TMEM165: variants seen among roughly 807,000 people sequenced by gnomAD.
TMEM165 encodes transmembrane protein 165, also known as putative divalent cation/proton antiporter TMEM165.
Under a neutral mutation model 30.0 loss-of-function variants are expected in TMEM165, and 19 were observed. The ratio of observed to expected loss-of-function variants is 0.63; its 90% confidence interval spans 0.44 to 0.93. TMEM165 has a LOEUF of 0.93. Ranked by LOEUF, TMEM165 falls within the 40% of genes least tolerant of loss-of-function variation. The pLI, the probability that TMEM165 is intolerant of heterozygous loss-of-function variation, is 0.00. For missense variants in TMEM165, 340 were observed against 417.0 expected (o/e 0.82, Z 1.61); for synonymous variants, 168 against 162.9 (o/e 1.03, Z -0.24).
intron 3 of TMEM165, among the ~76,000 whole-genome samples, chr4:55,447,266 C>CTT (rs1281401181): frequency 1.3e-5 from 2 of 152,012 alleles, no homozygotes; most frequent in Admixed American, 1.3e-4. Context: ...ACTCGGGAGA[C>CTT]TGAGGCGGGA....
intron 1 of TMEM165, among the ~76,000 whole-genome samples, chr4:55,408,672 A>T (rs573711535): frequency 6.6e-6 from 1 of 152,332 alleles, no homozygotes; most frequent in East Asian, 1.9e-4. Context: ...AGGAACAGAG[A>T]TTAAATAATG....
rs1183840805 is a variant in TMEM165 at position 55,411,912 on chromosome 4, A to G, written c.433+73A>G. The G allele has an allele frequency of 3.5e-6, 5 of 1,423,084 alleles. No homozygotes were observed. In the East Asian group the frequency reaches 9.2e-5, roughly 26 times the overall value. The allele number at this position is 1,423,084 out of a possible 1,614,324, so 88.2% of individuals were successfully genotyped here. A position where few individuals can be genotyped will look rare whatever the true frequency, so the allele number is the denominator to read the frequency against. Reference sequence around the variant, plus strand: ...CGTGTTGTGTGACATGGAGTCACTGAGTCATTAACCTAGTCTTATGGGAAT... The same window carrying G: ...CGTGTTGTGTGACATGGAGTCACTGGGTCATTAACCTAGTCTTATGGGAAT... On this transcript the variant is annotated intron_variant, in intron 2 of 5. Coordinates refer to ENST00000381334, the MANE Select transcript of TMEM165 (RefSeq NM_018475.5).
At chr4:55,435,189 GTCAGAACTGGCTA>G (rs1722785216) in intron 3 of TMEM165, 1 of 559,648 alleles carries the variant, frequency 1.8e-6, no homozygotes, top group East Asian at 3.1e-5. Flanking sequence ...CTAAAACACT[GTCAGAACTGGCTA>G]TGCCCCTATG....
intron 1 of TMEM165, among the ~76,000 whole-genome samples, chr4:55,411,250 C>A (rs1377427339): frequency 6.6e-6 from 1 of 152,088 alleles, no homozygotes; most frequent in Non-Finnish European, 1.5e-5. Context: ...TTAGTATCCT[C>A]AATCTAAAAT....
At chr4:55,416,992 AATT>A (rs1385312787) in intron 2 of TMEM165, 77 bp from the exon 3 acceptor site, 2 of 1,277,804 alleles carry the variant, frequency 1.6e-6, no homozygotes, top group South Asian at 1.5e-5. Context: ...AACAGTGATA[AATT>A]ATTATTTCCG....
chr4:55,448,611 T>G (rs398051420), intron 3 of TMEM165, among the ~76,000 whole-genome samples: 1 of 81,564 alleles, frequency 1.2e-5, no homozygotes, highest in Non-Finnish European at 2.5e-5. Flanking sequence ...CGTGTGTGTG[T>G]GTGTGTGTGT....
At chr4:55,399,270 A>G (rs922275444) in intron 1 of TMEM165, 2 of 152,160 alleles carry the variant, frequency 1.3e-5, no homozygotes, top group Admixed American at 6.6e-5. Context: ...GGGCTTCTCC[A>G]TCTTTTTCCT....
At position 55,442,353 on chromosome 4, in the gene TMEM165, T is replaced by C. The variant is rs934932165; in HGVS notation, c.409-9886T>C. ...TCTCATTAAAATCACATTAAAAAAT[T>C]TGATTAAGAAATCAAATTATTGTTT... On this transcript the variant is annotated intron_variant, in intron 3 of 3. Coordinates refer to the TMEM165 transcript ENST00000608091. 1.5e-5 allele frequency: 20 copies of C among 1,290,728 alleles called. No homozygotes were observed. The East Asian group carries it at 1.9e-4, about 12-fold the overall frequency. The allele number at this position is 1,290,728 out of a possible 1,614,324, so 80.0% of individuals were successfully genotyped here.
intron 3 of TMEM165, among the ~76,000 whole-genome samples, chr4:55,446,101 C>CTTCTTT (rs1553890777): frequency 9.3e-6 from 1 of 107,372 alleles, no homozygotes. Flanking sequence ...AATTTAACTT[C>CTTCTTT]TTTTTTTTTT....
chr4:55,445,582 C>CTTTTTTTTTTTTTTTTTTTTTTTTTTTTT lies in TMEM165; in HGVS notation c.409-6631_409-6630insTTTTTTTTTTTTTTTTTTTTTTTTTTTTT, dbSNP rs56157186. Among the ~76,000 whole-genome samples the CTTTTTTTTTTTTTTTTTTTTTTTTTTTTT allele has an allele frequency of 4.2e-4, 29 of 68,592 alleles. 3 individuals are homozygous for CTTTTTTTTTTTTTTTTTTTTTTTTTTTTT. Among genetic ancestry groups the CTTTTTTTTTTTTTTTTTTTTTTTTTTTTT allele is most frequent in the East Asian group, 9.9e-4 (2 of 2,022 alleles). 45.0% of individuals were successfully genotyped at this position (68,592 alleles called of 152,430 possible). A position where few individuals can be genotyped will look rare whatever the true frequency, so the allele number is the denominator to read the frequency against. On this transcript the variant is annotated intron_variant, in intron 3 of 3. Coordinates refer to the TMEM165 transcript ENST00000608091. ...TCTCTGCATCTGCTATTTCTATATT[C>CTTTTTTTTTTTTTTTTTTTTTTTTTTTTT]TTTTTTTTTTTTTTTTTTTTTTTTT... is the stretch of plus-strand genomic sequence containing the variant.
At chr4:55,397,302 C>G (rs1261015061) in intron 1 of TMEM165, 1 of 152,182 alleles carries the variant, frequency 6.6e-6, no homozygotes, top group Non-Finnish European at 1.5e-5. Flanking sequence ...TCAGTCCAGC[C>G]TTTTTAGGAG....
chr4:55,400,267 TA>T (rs1165709625), intron 1 of TMEM165, among the ~76,000 whole-genome samples: 13 of 102,016 alleles, frequency 1.3e-4, no homozygotes, highest in East Asian at 9.9e-4. Flanking sequence ...TAATATATAA[TA>T]TATAATATAA....
chr4:55,435,134 A>G, intron 3 of TMEM165: 1 of 427,708 alleles, frequency 2.3e-6, no homozygotes, highest in South Asian at 2.2e-5. Context: ...GAGCTTCTTA[A>G]TATTTGGCAA....
intron 3 of TMEM165, chr4:55,433,824 G>A (rs577884806): frequency 1.3e-5 from 2 of 152,220 alleles, no homozygotes; most frequent in African/African-American, 4.8e-5. Context: ...CGTTTAGAAG[G>A]CATGTGAGTT....
At position 55,425,859 on chromosome 4, in the gene TMEM165, C is replaced by CTAT. The variant is rs1345420454; in HGVS notation, c.*409_*411dup. 3 of 153,800 alleles carry CTAT rather than the reference C, an allele frequency of 2.0e-5. No individual in the cohort carries two copies. The highest frequency in any genetic ancestry group is 4.3e-5 in the Non-Finnish European group (3 of 69,244). The allele number at this position is 153,800 out of a possible 1,614,324, so 9.5% of individuals were successfully genotyped here. A position where few individuals can be genotyped will look rare whatever the true frequency, so the allele number is the denominator to read the frequency against. On this transcript the variant is annotated 3_prime_UTR_variant, in exon 6 of 6. Coordinates refer to ENST00000381334, the MANE Select transcript of TMEM165 (RefSeq NM_018475.5). ...TCTTGGGGAAAGAATGAATTAATTT[C>CTAT]TATTTCTTAAAACATTTCCCTGAGC... is the stretch of plus-strand genomic sequence containing the variant.
rs548318473 is a variant in TMEM165 at position 55,440,986 on chromosome 4, C to CAAA, written c.409-11252_409-11251insAAA. On this transcript the variant is annotated intron_variant, in intron 3 of 3. Coordinates refer to the TMEM165 transcript ENST00000608091. ...CTTACAAAAACAAAACAAAACAAAA[C>CAAA]ACAACACAACAAAAAACTGCTCACT... is the stretch of plus-strand genomic sequence containing the variant. 5.4e-3 allele frequency among the ~76,000 whole-genome samples: 767 copies of CAAA among 142,230 alleles called. 4 individuals carry two copies. The highest frequency in any genetic ancestry group is 0.017 in the African/African-American group (707 of 40,730). The allele number at this position is 142,230 out of a possible 152,430, so 93.3% of individuals were successfully genotyped here.
intron 2 of TMEM165, among the ~76,000 whole-genome samples, chr4:55,413,300 A>T (rs1721589689): frequency 2.0e-5 from 3 of 150,216 alleles, no homozygotes; most frequent in African/African-American, 7.4e-5. Context: ...TTTATTTTTT[A>T]AATTTTTATT....
At chr4:55,441,939 T>G (rs777118502) in intron 3 of TMEM165, among the ~76,000 whole-genome samples, 1 of 152,172 alleles carries the variant, frequency 6.6e-6, no homozygotes, top group Non-Finnish European at 1.5e-5. Flanking sequence ...TAGCTATAGA[T>G]CCCTTGGCTA....
chr4:55,417,404 A>T (rs533871204), intron 3 of TMEM165, among the ~76,000 whole-genome samples, 157 bp downstream of exon 3: 2 of 152,300 alleles, frequency 1.3e-5, no homozygotes, highest in African/African-American at 4.8e-5. Context: ...CTGTGATCTG[A>T]CTTGGGGTTG....
Sources: allele counts gnomAD v4.1 joint callset (sites outside exome capture counted in the v4.1 genomes callset), GRCh38; gene constraint gnomAD v4.1.1; transcripts MANE v1.5; gene names NCBI Gene and HGNC (gene_info 2026-07-23, HGNC 2026-07-21).